FHIT: variants seen among roughly 807,000 people sequenced by gnomAD.
FHIT encodes fragile histidine triad diadenosine triphosphatase.
FHIT carries 19 observed loss-of-function variants against 17.9 expected under a neutral mutation model. The ratio of observed to expected loss-of-function variants is 1.06; its 90% CI spans 0.74 to 1.56. The LOEUF (loss-of-function observed/expected upper bound fraction) is 1.56. Among genes scored for constraint, FHIT ranks in the 40% most tolerant of loss-of-function variants. FHIT has a pLI of 0.00. For synonymous variants in FHIT, 81 were observed against 69.7 expected (o/e 1.16, Z -0.81); for missense variants, 248 against 189.2 (o/e 1.31, Z -1.82).
intron 7 of FHIT, among the ~76,000 whole-genome samples, chr3:59,966,866 G>C (rs1467200551): frequency 6.6e-6 from 1 of 152,022 alleles, no homozygotes; most frequent in Non-Finnish European, 1.5e-5. Context: ...CTAAATTTAT[G>C]TAATAAATTA....
intron 4 of FHIT, among the ~76,000 whole-genome samples, chr3:60,647,457 G>C (rs1244408761): frequency 2.0e-5 from 3 of 152,092 alleles, no homozygotes; most frequent in South Asian, 2.1e-4. Flanking sequence ...CCTGCCCAAG[G>C]CCTCCTAGAA....
At chr3:60,842,620 TATATGAGTGTATATATATATATA>T (rs1702764292) in intron 3 of FHIT, among the ~76,000 whole-genome samples, 12 of 108,146 alleles carry the variant, frequency 1.1e-4, no homozygotes, top group African/African-American at 3.9e-4. Flanking sequence ...TATACATATA[TATATGAGTGTATATATATATATA>T]TATTTTTTTT....
chr3:60,540,545 G>C (rs1378582788), intron 4 of FHIT, among the ~76,000 whole-genome samples: 3 of 152,172 alleles, frequency 2.0e-5, no homozygotes, highest in Admixed American at 2.0e-4. Context: ...CATCCAGCTG[G>C]TGTCCGCTGC....
chr3:60,228,667 G>A (rs553990945), intron 5 of FHIT, among the ~76,000 whole-genome samples: 10 of 152,164 alleles, frequency 6.6e-5, no homozygotes, highest in South Asian at 2.1e-4. Flanking sequence ...ATAATGCTAC[G>A]ACTTTTAGGT....
intron 4 of FHIT, among the ~76,000 whole-genome samples, chr3:60,820,366 A>G (rs1444459754): frequency 6.6e-6 from 1 of 152,172 alleles, no homozygotes; most frequent in Non-Finnish European, 1.5e-5. Flanking sequence ...AAAAGGATCA[A>G]ATAATTATAT....
chr3:60,926,597 G>C (rs545206769), intron 3 of FHIT, among the ~76,000 whole-genome samples: 24 of 152,266 alleles, frequency 1.6e-4, no homozygotes, highest in Non-Finnish European at 2.8e-4. Flanking sequence ...GCCCACAAGA[G>C]AAATCAGGAA....
chr3:60,486,629 T>C (rs1276790962), intron 5 of FHIT, among the ~76,000 whole-genome samples: 4 of 152,212 alleles, frequency 2.6e-5, no homozygotes, highest in African/African-American at 7.2e-5. Context: ...CCATTAATTA[T>C]TGAAGGTAAT....
intron 5 of FHIT, among the ~76,000 whole-genome samples, chr3:60,218,954 C>T (rs1423104994): frequency 6.6e-6 from 1 of 152,008 alleles, no homozygotes; most frequent in African/African-American, 2.4e-5. Flanking sequence ...CCAGTCAATG[C>T]TTTGTATTCT....
In FHIT at chr3:60,730,898, C is replaced by T. The variant is rs911428732; in HGVS notation, c.-18+91021G>A. On this transcript the variant is annotated intron_variant, in intron 4 of 9. Transcript: ENST00000492590. ...TTGGGAGGCTGAGGCAGGTGGATCA[C>T]GAGGTCAGGAGATAGAGACCATCCA... Among the ~76,000 whole-genome samples, 6 of 149,856 alleles carry T rather than the reference C, an allele frequency of 4.0e-5. No homozygotes were observed. In the South Asian group the frequency reaches 6.3e-4, roughly 16 times the overall value.
At chr3:60,727,929 G>A (rs2041950969) in intron 4 of FHIT, among the ~76,000 whole-genome samples, 3 of 152,122 alleles carry the variant, frequency 2.0e-5, no homozygotes, top group Non-Finnish European at 4.4e-5. Flanking sequence ...GCGTGAACCC[G>A]GGAGGCAGAG....
intron 4 of FHIT, among the ~76,000 whole-genome samples, chr3:60,739,299 T>G (rs1553713394): frequency 1.3e-5 from 2 of 152,228 alleles, no homozygotes; most frequent in African/African-American, 4.8e-5. Flanking sequence ...AGCACTGAGC[T>G]GGTTAACACT....
At chr3:60,807,220 T>G (rs1701424882) in intron 4 of FHIT, among the ~76,000 whole-genome samples, 1 of 152,184 alleles carries the variant, frequency 6.6e-6, no homozygotes, top group East Asian at 1.9e-4. Context: ...TCCCCCCTTT[T>G]GGATGCTGGT....
intron 5 of FHIT, among the ~76,000 whole-genome samples, chr3:60,483,644 A>G (rs2033713713): frequency 6.6e-6 from 1 of 152,184 alleles, no homozygotes; most frequent in South Asian, 2.1e-4. Flanking sequence ...CGTGTTAAAA[A>G]CTGTCAATAA....
At chr3:60,076,880 T>C (rs895754274) in intron 5 of FHIT, among the ~76,000 whole-genome samples, 2 of 20,372 alleles carry the variant, frequency 9.8e-5, no homozygotes, top group African/African-American at 1.7e-4. Flanking sequence ...GAGACACGAC[T>C]GACTGAAAGG....
chr3:60,522,423 A>G (rs1455499441), intron 5 of FHIT, among the ~76,000 whole-genome samples: 2 of 152,124 alleles, frequency 1.3e-5, no homozygotes, highest in East Asian at 3.9e-4. Context: ...AACAACCATA[A>G]TTTCTTAATG....
At chr3:60,537,440 A>C (rs2036024197) in intron 4 of FHIT, 1 of 979,468 alleles carries the variant, frequency 1.0e-6, no homozygotes, top group Non-Finnish European at 1.2e-6. Context: ...ATTTAGAACA[A>C]GTACGAACAC....
chr3:61,080,309 T>C (rs962795367), intron 2 of FHIT, among the ~76,000 whole-genome samples: 12 of 152,290 alleles, frequency 7.9e-5, no homozygotes, highest in African/African-American at 2.9e-4. Flanking sequence ...TTTCTGAGCC[T>C]ACTCCAGTTT....
chr3:60,458,418 C>G (rs1181377182), intron 5 of FHIT, among the ~76,000 whole-genome samples: 2 of 147,632 alleles, frequency 1.4e-5, no homozygotes, highest in African/African-American at 5.1e-5. Flanking sequence ...ACATCACACA[C>G]CACACACAGG....
chr3:60,263,459 G>A (rs1221604270), intron 5 of FHIT, among the ~76,000 whole-genome samples: 2 of 152,034 alleles, frequency 1.3e-5, no homozygotes, highest in Middle Eastern at 3.4e-3. Flanking sequence ...ACTATCAGAT[G>A]ACTTAACAAA....
Sources: gnomAD v4.1 joint callset for allele counts (sites outside exome capture counted in the v4.1 genomes callset) on GRCh38, gnomAD v4.1.1 for gene constraint, MANE v1.5 for transcripts, NCBI Gene and HGNC (gene_info 2026-07-23, HGNC 2026-07-21) for gene names.